The following SMYD3 variants were observed in gnomAD, a reference collection of about 807,000 sequenced individuals.
SMYD3 encodes SET and MYND domain containing 3.
A neutral mutation model predicts 57.7 loss-of-function variants in SMYD3; 36 were observed. The ratio of observed to expected loss-of-function variants is 0.62; its 90% CI spans 0.48 to 0.82. The LOEUF is 0.82. Among genes scored for constraint, SMYD3 ranks in the 40% least tolerant of loss-of-function variants. The pLI, the probability that SMYD3 is intolerant of heterozygous loss-of-function variation, is 0.00. For synonymous variants in SMYD3, 211 were observed against 195.0 expected (o/e 1.08, Z -0.68); for missense variants, 515 against 538.8 (o/e 0.96, Z 0.44).
At chr1:246,210,888 A>G (rs1203198915) in intron 5 of SMYD3, among the ~76,000 whole-genome samples, 1 of 152,084 alleles carries the variant, frequency 6.6e-6, no homozygotes, top group Non-Finnish European at 1.5e-5. Context: ...TTCAATTCTG[A>G]TTTCGCAGAA....
At chr1:245,840,751 A>T (rs923491714) in intron 10 of SMYD3, among the ~76,000 whole-genome samples, 1 of 117,810 alleles carries the variant, frequency 8.5e-6, no homozygotes, top group Admixed American at 1.2e-4. Flanking sequence ...AGACATGGTT[A>T]AAAAAAAAAA....
chr1:246,118,545 T>C (rs559517436), intron 5 of SMYD3, among the ~76,000 whole-genome samples: 1 of 152,318 alleles, frequency 6.6e-6, no homozygotes, highest in South Asian at 2.1e-4. Flanking sequence ...ATGTCAGCGA[T>C]GGGAAACATT....
intron 5 of SMYD3, among the ~76,000 whole-genome samples, chr1:246,276,797 A>T (rs1168259381): frequency 6.8e-6 from 1 of 147,486 alleles, no homozygotes; most frequent in African/African-American, 2.5e-5. Flanking sequence ...CTGGCAAGTT[A>T]CTTAATGTTT....
intron 5 of SMYD3, among the ~76,000 whole-genome samples, chr1:246,124,754 A>T (rs1321673819): frequency 1.3e-5 from 2 of 152,162 alleles, no homozygotes; most frequent in African/African-American, 2.4e-5. Context: ...CTTGGTTGAG[A>T]ATGTATCTGA....
intron 1 of SMYD3, among the ~76,000 whole-genome samples, chr1:246,363,303 G>A (rs2066036114): frequency 6.7e-6 from 1 of 149,824 alleles, no homozygotes; most frequent in Non-Finnish European, 1.5e-5. Context: ...AGGTGGGGGG[G>A]TCAGCCCCCC....
chr1:246,036,881 C>G (rs1300543072), intron 5 of SMYD3, among the ~76,000 whole-genome samples: 4 of 151,940 alleles, frequency 2.6e-5, no homozygotes, highest in African/African-American at 9.7e-5. Flanking sequence ...TTATTATCAT[C>G]ATTTAGTTAT....
At chr1:246,075,157 C>T (rs747685037) in intron 5 of SMYD3, among the ~76,000 whole-genome samples, 1 of 151,888 alleles carries the variant, frequency 6.6e-6, no homozygotes, top group Non-Finnish European at 1.5e-5. Context: ...CATTACTATG[C>T]CCAAGAAAAG....
At chr1:246,309,110 T>C (rs981788952) in intron 5 of SMYD3, among the ~76,000 whole-genome samples, 9 of 152,090 alleles carry the variant, frequency 5.9e-5, no homozygotes, top group African/African-American at 2.4e-5. Flanking sequence ...CCAAAACCAA[T>C]ATGTATTTTT....
chr1:245,839,360 G>T (rs544061452), intron 10 of SMYD3, among the ~76,000 whole-genome samples: 3 of 151,866 alleles, frequency 2.0e-5, no homozygotes, highest in South Asian at 2.1e-4. Context: ...TAGTAGAGAC[G>T]GGGTTTCACC....
chr1:246,437,479 C>G (rs1014700570), intron 1 of SMYD3, among the ~76,000 whole-genome samples: 2 of 152,204 alleles, frequency 1.3e-5, no homozygotes, highest in Non-Finnish European at 2.9e-5. Flanking sequence ...AGACGTCAAG[C>G]TAGCCGATTG....
chr1:245,863,591 T>C (rs936638357), intron 9 of SMYD3, among the ~76,000 whole-genome samples: 2 of 152,200 alleles, frequency 1.3e-5, no homozygotes, highest in African/African-American at 4.8e-5. Context: ...TAGTGAGTTA[T>C]TATTCACGCT....
chr1:246,133,263 G>A (rs752800468), intron 5 of SMYD3, among the ~76,000 whole-genome samples: 1 of 151,836 alleles, frequency 6.6e-6, no homozygotes, highest in Non-Finnish European at 1.5e-5. Flanking sequence ...TCATTTAAAT[G>A]AACCCACGGC....
intron 5 of SMYD3, among the ~76,000 whole-genome samples, chr1:246,042,667 G>A (rs141306627): frequency 1.5e-3 from 230 of 152,154 alleles, no homozygotes; most frequent in African/African-American, 5.3e-3. Flanking sequence ...TCTCTTACAC[G>A]GTTTCCTTTG....
chr1:246,180,944 A>G (rs1268762169), intron 5 of SMYD3, among the ~76,000 whole-genome samples: 5 of 152,084 alleles, frequency 3.3e-5, no homozygotes, highest in Non-Finnish European at 4.4e-5. Context: ...CTTTAAAAGC[A>G]ACAAAATATC....
rs79194815 is a variant in SMYD3 at position 246,311,419 on chromosome 1, T to C, written c.531+15782A>G. On this transcript the variant is annotated intron_variant, in intron 5 of 11. Coordinates refer to ENST00000490107, the MANE Select transcript of SMYD3 (RefSeq NM_001167740.2). ...TGCCATAATGATTAGCAAACTCATA[T>C]AGATATCTCCAGGAAAGGATTTACA... Among the ~76,000 whole-genome samples, 279 of 152,362 alleles carry C rather than the reference T, an allele frequency of 1.8e-3. 8 individuals are homozygous for C. In the East Asian group the frequency reaches 0.051, roughly 28 times the overall value.
intron 5 of SMYD3, among the ~76,000 whole-genome samples, chr1:246,172,770 A>T (rs942154754): frequency 2.2e-4 from 31 of 140,834 alleles, no homozygotes; most frequent in African/African-American, 2.4e-4. Flanking sequence ...CACTCACTGT[A>T]CTCTACTGTA....
At chr1:246,362,892 G>A (rs1187904705) in intron 1 of SMYD3, among the ~76,000 whole-genome samples, 15 of 152,058 alleles carry the variant, frequency 9.9e-5, no homozygotes, top group Admixed American at 3.9e-4. Context: ...ACCCCGTCTG[G>A]GAAGTGAGGA....
chr1:245,807,813 G>GGAAAAAAAAAAAAAAA (rs1553328805), intron 10 of SMYD3, among the ~76,000 whole-genome samples: 1 of 111,704 alleles, frequency 9.0e-6, no homozygotes, highest in African/African-American at 3.3e-5. Flanking sequence ...ATTTCCCAGG[G>GGAAAAAAAAAAAAAAA]AAAAAAAAAA....
intron 8 of SMYD3, among the ~76,000 whole-genome samples, chr1:245,892,353 T>C (rs2053441290): frequency 6.6e-6 from 1 of 152,232 alleles, no homozygotes; most frequent in South Asian, 2.1e-4. Context: ...TATTATCTAA[T>C]TATCTAATTG....
Sources: allele counts gnomAD v4.1 joint callset (sites outside exome capture counted in the v4.1 genomes callset), GRCh38; gene constraint gnomAD v4.1.1; transcripts MANE v1.5; gene names NCBI Gene and HGNC (gene_info 2026-07-23, HGNC 2026-07-21).